Variants in DPP6 observed in about 807,000 individuals in gnomAD.
The protein encoded by DPP6 is A-type potassium channel modulatory protein DPP6.
In DPP6, 69 loss-of-function variants were observed where a neutral mutation model predicts 122.6. That is an observed-to-expected ratio of 0.56 (90% CI 0.46 to 0.69). The LOEUF (loss-of-function observed/expected upper bound fraction) is 0.69. Among genes scored for constraint, DPP6 ranks in the 30% least tolerant of loss-of-function variants. The pLI is 0.00. For synonymous variants in DPP6, 418 were observed against 433.1 expected (o/e 0.97, Z 0.43); for missense variants, 928 against 1,116.9 (o/e 0.83, Z 2.41).
At chr7:153,763,069 G>A in the DPP6 span, among the ~76,000 whole-genome samples, 2 of 152,172 alleles carry the variant, frequency 1.3e-5, no homozygotes, top group Non-Finnish European at 1.5e-5. Context: ...AGAAGGCGGA[G>A]AGCAGCAGAG....
chr7:154,309,520 G>A (rs989059255), intron 1 of DPP6, among the ~76,000 whole-genome samples: 6 of 152,136 alleles, frequency 3.9e-5, no homozygotes, highest in African/African-American at 1.2e-4. Context: ...CTCCCGGAAG[G>A]GCACATAGGT....
chr7:154,175,466 C>T (rs1180300510), intron 1 of DPP6, among the ~76,000 whole-genome samples: 1 of 152,132 alleles, frequency 6.6e-6, no homozygotes, highest in East Asian at 1.9e-4. Flanking sequence ...TTTCCCCCCA[C>T]CCCACCCCCA....
chr7:154,784,516 G>T (rs1306285749), intron 10 of DPP6, among the ~76,000 whole-genome samples: 1 of 152,112 alleles, frequency 6.6e-6, no homozygotes, highest in East Asian at 1.9e-4. Flanking sequence ...TAAAAGGACA[G>T]GAAAAAAATG....
chr7:153,947,823 C>T (rs544535976), intron 1 of DPP6, among the ~76,000 whole-genome samples: 17 of 152,284 alleles, frequency 1.1e-4, no homozygotes, highest in African/African-American at 3.1e-4. Flanking sequence ...GGGTGCCGCT[C>T]ACAGGTGGGT....
At chr7:153,856,381 A>T in the DPP6 span, among the ~76,000 whole-genome samples, 3 of 152,220 alleles carry the variant, frequency 2.0e-5, no homozygotes, top group Admixed American at 1.3e-4. Flanking sequence ...TGAAAAGTTG[A>T]TTCTCACAAT....
intron 7 of DPP6, among the ~76,000 whole-genome samples, chr7:154,677,917 C>T (rs1324382076): frequency 6.6e-6 from 1 of 152,312 alleles, no homozygotes; most frequent in East Asian, 1.9e-4. Context: ...GGGGTGCGGA[C>T]TTGGAGAACT....
At chr7:153,991,324 A>T (rs545214699) in intron 1 of DPP6, among the ~76,000 whole-genome samples, 3 of 152,192 alleles carry the variant, frequency 2.0e-5, no homozygotes, top group Non-Finnish European at 2.9e-5. Context: ...TTTAGTATAT[A>T]AAAAAGAAAA....
At chr7:153,979,060 G>GT (rs1268904874) in intron 1 of DPP6, among the ~76,000 whole-genome samples, 21 of 152,002 alleles carry the variant, frequency 1.4e-4, no homozygotes. Context: ...ATTTAAAGTA[G>GT]TTTTTTCTAA....
At chr7:153,822,311 T>G in the DPP6 span, among the ~76,000 whole-genome samples, 76 of 150,340 alleles carry the variant, frequency 5.1e-4, no homozygotes, top group Middle Eastern at 7.0e-3. Flanking sequence ...TGCTTCAGCC[T>G]CCCGAGTAGC....
intron 16 of DPP6, among the ~76,000 whole-genome samples, chr7:154,849,948 G>A (rs1038415909): frequency 6.6e-6 from 1 of 152,160 alleles, no homozygotes; most frequent in Admixed American, 6.5e-5. Context: ...TTGTTAATAT[G>A]GTGAATCACA....
chr7:154,298,471 T>G (rs2150975619), intron 1 of DPP6, among the ~76,000 whole-genome samples: 1 of 152,292 alleles, frequency 6.6e-6, no homozygotes, highest in African/African-American at 2.4e-5. Context: ...GCCTGTGCTC[T>G]TATTGCACCT....
chr7:154,052,239 C>T (rs534702411), upstream of DPP6, among the ~76,000 whole-genome samples: 177 of 152,044 alleles, frequency 1.2e-3, 1 homozygote, highest in African/African-American at 4.0e-3. The surrounding 1 kb of genome is among the most constrained non-coding windows in gnomAD (Gnocchi z 4.8). Flanking sequence ...CCCTCGCACC[C>T]TTTTGTGCGA....
chr7:154,694,217 A>G (rs1273848831), intron 7 of DPP6, among the ~76,000 whole-genome samples: 1 of 152,124 alleles, frequency 6.6e-6, no homozygotes, highest in African/African-American at 2.4e-5. Flanking sequence ...TGACGTGATC[A>G]TTTCCCAAAG....
At chr7:154,290,631 A>G (rs1585843515) in intron 1 of DPP6, among the ~76,000 whole-genome samples, 1 of 147,422 alleles carries the variant, frequency 6.8e-6, no homozygotes, top group East Asian at 2.0e-4. Context: ...GTGTGACAAG[A>G]GCAAAACTCT....
chr7:154,141,507 T>C (rs1795843253), intron 1 of DPP6, among the ~76,000 whole-genome samples: 1 of 152,178 alleles, frequency 6.6e-6, no homozygotes, highest in African/African-American at 2.4e-5. Flanking sequence ...TACATACCAT[T>C]TGAATGAACA....
chr7:154,400,797 A>G (rs1815506807), intron 1 of DPP6, among the ~76,000 whole-genome samples: 1 of 152,244 alleles, frequency 6.6e-6, no homozygotes, highest in Non-Finnish European at 1.5e-5. Flanking sequence ...ATTATAACAG[A>G]AAAGAACCAT....
chr7:154,177,078 C>G (rs527900461), intron 1 of DPP6, among the ~76,000 whole-genome samples: 38 of 152,250 alleles, frequency 2.5e-4, no homozygotes, highest in African/African-American at 7.5e-4. Context: ...AAGCGATTCT[C>G]CCAACTCTCC....
intron 1 of DPP6, among the ~76,000 whole-genome samples, chr7:154,179,502 A>G (rs2150743811): frequency 6.6e-6 from 1 of 152,310 alleles, no homozygotes; most frequent in African/African-American, 2.4e-5. Context: ...CAGCCCTCAT[A>G]CAAAGCAGTG....
In DPP6 at chr7:154,835,353, A is replaced by G. The variant is rs555965356; in HGVS notation, c.1667-18427A>G. 2.0e-5 allele frequency among the ~76,000 whole-genome samples: 3 copies of G among 152,138 alleles called. No individual in the cohort carries two copies. The South Asian group carries it at 6.2e-4, about 32-fold the overall frequency. The stretch of plus-strand genomic sequence containing the variant: ...CTGAAAGAGCTGCCGCCCTGCCCCC[A>G]CCTTCATCTCGGACTTCTGGCCTCC... On this transcript the variant is annotated intron_variant, in intron 16 of 25. Transcript: ENST00000377770.
Sources: gnomAD v4.1 joint callset for allele counts (sites outside exome capture counted in the v4.1 genomes callset) on GRCh38, gnomAD v4.1.1 for gene constraint, Gnocchi (gnomAD v3.1) non-coding constraint, MANE v1.5 for transcripts, NCBI Gene and HGNC (gene_info 2026-07-23, HGNC 2026-07-21) for gene names.